The following NUP153 variants were observed in gnomAD, a reference collection of about 807,000 sequenced individuals.
The protein encoded by NUP153 is nucleoporin 153, also known as nuclear pore complex protein Nup153.
Under a neutral mutation model 134.6 loss-of-function variants are expected in NUP153, and 27 were observed. That is an observed-to-expected ratio of 0.20 (90% confidence interval 0.15 to 0.28). The LOEUF (loss-of-function observed/expected upper bound fraction) is 0.28. NUP153 is among the 10% of genes least tolerant of loss of function. The pLI is 1.00. For missense variants in NUP153, 1,821 were observed against 1,731.3 expected (o/e 1.05, Z -0.92); for synonymous variants, 640 against 623.5 (o/e 1.03, Z -0.40).
At chr6:17,652,911 C>G (rs539143699) in intron 11 of NUP153, among the ~76,000 whole-genome samples, 1 of 152,034 alleles carries the variant, frequency 6.6e-6, no homozygotes, top group Non-Finnish European at 1.5e-5. Flanking sequence ...CACCTGTAAT[C>G]CCAGCTACTA....
At chr6:17,679,978 G>A (rs545816142) in intron 2 of NUP153, among the ~76,000 whole-genome samples, 5 of 152,256 alleles carry the variant, frequency 3.3e-5, no homozygotes, top group African/African-American at 1.2e-4. Flanking sequence ...AACCAGATAT[G>A]CTGCCTTGCG....
intron 1 of NUP153, among the ~76,000 whole-genome samples, chr6:17,692,739 C>A (rs1220291164): frequency 1.3e-5 from 2 of 152,120 alleles, no homozygotes; most frequent in South Asian, 2.1e-4. Context: ...CAGCATCATC[C>A]CAGGTCCTTC....
intron 1 of NUP153, among the ~76,000 whole-genome samples, chr6:17,700,101 TAAG>T (rs1342613233): frequency 3.9e-5 from 6 of 152,014 alleles, no homozygotes; most frequent in South Asian, 2.1e-4. Flanking sequence ...AAACTTCTGA[TAAG>T]AAGCAGGAAA....
At position 17,661,666 on chromosome 6, in the gene NUP153, G is replaced by C. The variant is rs1767191178; in HGVS notation, c.1382C>G (p.Pro461Arg). The C allele has an allele frequency of 6.2e-7, 1 of 1,613,520 alleles. No homozygotes were observed. The highest frequency in any genetic ancestry group is 1.1e-5 in the South Asian group (1 of 91,052). The change falls in exon 11 of 22, where the codon CCT becomes CGT. Residue 461 changes from proline to arginine, a missense_variant. Transcript: ENST00000262077. The stretch of plus-strand genomic sequence containing the variant: ...ATACAACCCTACCTCCTCCTCCAGA[G>C]GTTTAGAAGCAACAAAGCGTGTTCT... ...RERTRFVASKPLEEEEMEVPV... is the reference protein window; with the variant it reads ...RERTRFVASKRLEEEEMEVPV...
chr6:17,685,718 T>G (rs888086483), intron 2 of NUP153, among the ~76,000 whole-genome samples: 3 of 152,160 alleles, frequency 2.0e-5, no homozygotes, highest in Non-Finnish European at 4.4e-5. Flanking sequence ...TTACCAGTCA[T>G]GTAAAACTAG....
intron 2 of NUP153, among the ~76,000 whole-genome samples, chr6:17,686,309 G>A (rs948233194): frequency 7.2e-5 from 11 of 152,088 alleles, no homozygotes; most frequent in African/African-American, 2.4e-4. Context: ...ACAAGATGTG[G>A]GGGTAGAAAG....
At chr6:17,671,935 G>C (rs923401929) in intron 5 of NUP153, among the ~76,000 whole-genome samples, 8 of 152,112 alleles carry the variant, frequency 5.3e-5, no homozygotes, top group Non-Finnish European at 4.4e-5. Flanking sequence ...GTGAACCTGG[G>C]AGGTGGAGGT....
rs1241422516 is a variant in NUP153, at chr6:17,625,682, G to T, written c.3901+126C>A. 24 of 721,882 alleles carry T rather than the reference G, an allele frequency of 3.3e-5. No homozygotes were observed. Among genetic ancestry groups the T allele is most frequent in the Non-Finnish European group, 5.3e-5 (22 of 412,574 alleles). 44.7% of individuals were successfully genotyped at this position (721,882 alleles called of 1,614,324 possible). On this transcript the variant is annotated intron_variant, in intron 19 of 21. Coordinates refer to ENST00000262077, the MANE Select transcript of NUP153 (RefSeq NM_005124.4). This position sits in a 1 kb window ranked among gnomAD's most constrained non-coding sequence, Gnocchi z 4.7. ...ACAGTGAATAATTAAAACAACCCTG[G>T]TATAGATGACCAAAAGGCATTCCCA...
At chr6:17,624,050 AAATC>A (rs1216462711) in intron 20 of NUP153, among the ~76,000 whole-genome samples, 3 of 152,186 alleles carry the variant, frequency 2.0e-5, no homozygotes, top group African/African-American at 7.2e-5. Context: ...AATTAGAAAA[AAATC>A]AACAACAATT....
chr6:17,675,117 C>T lies in NUP153; in HGVS notation c.724-84G>A. On this transcript the variant is annotated intron_variant, in intron 4 of 21. Coordinates refer to ENST00000262077, the MANE Select transcript of NUP153 (RefSeq NM_005124.4). This position sits in a 1 kb window ranked among gnomAD's most constrained non-coding sequence, Gnocchi z 4.4. ...AGTGAGTTAAGATCATGCTGCTACA[C>T]ACTCAAGCCTGGGCAACAGCAAAAG... is the stretch of plus-strand genomic sequence containing the variant. 3 of 1,539,124 alleles carry T rather than the reference C, an allele frequency of 1.9e-6. No individual in the cohort carries two copies. The highest frequency in any genetic ancestry group is 2.7e-6 in the Non-Finnish European group (3 of 1,129,248).
At chr6:17,654,931 A>C (rs1766724203) in intron 11 of NUP153, among the ~76,000 whole-genome samples, 1 of 152,190 alleles carries the variant, frequency 6.6e-6, no homozygotes. Flanking sequence ...CACAATATTT[A>C]TTCTTATTTC....
At chr6:17,648,026 T>G in intron 12 of NUP153, 121 bp from the exon 13 acceptor site, 2 of 654,700 alleles carry the variant, frequency 3.1e-6, no homozygotes, top group Non-Finnish European at 5.3e-6. Flanking sequence ...CCTTTTAAAT[T>G]TAAAAATCTC....
At chr6:17,697,588 G>A (rs1290191936) in intron 1 of NUP153, among the ~76,000 whole-genome samples, 1 of 152,150 alleles carries the variant, frequency 6.6e-6, no homozygotes, top group Admixed American at 6.5e-5. Flanking sequence ...TTGAGAGGCT[G>A]AGGGAGGGAG....
chr6:17,674,829 C>T, intron 5 of NUP153, 76 bp downstream of exon 5: 2 of 1,144,076 alleles, frequency 1.7e-6, no homozygotes, highest in Non-Finnish European at 2.4e-6. Flanking sequence ...TTTTTGAGCA[C>T]AAAGTAATTT....
rs540840386 is a variant in NUP153, at chr6:17,661,910, T to C, written c.1268+108A>G. The C allele has an allele frequency of 4.2e-4, 538 of 1,292,094 alleles. 1 individual carries two copies. The highest frequency in any genetic ancestry group is 5.5e-4 in the Non-Finnish European group (505 of 921,968). 80.0% of individuals were successfully genotyped at this position (1,292,094 alleles called of 1,614,324 possible). On this transcript the variant is annotated intron_variant, in intron 10 of 21. Coordinates refer to ENST00000262077, the MANE Select transcript of NUP153 (RefSeq NM_005124.4). ...TTCTAAAATCTTAGATTTCTTTATA[T>C]AAAGTTTCTGTTCTTTGATTTTAAT...
rs191178635 is a variant in NUP153 at position 17,654,424 on chromosome 6, C to T, written c.1396-5124G>A. ...GCAACCTCTGCCTTCTGGTTTCAAC[C>T]GATTCTCCTGCCTCAGCCTCCCAAG... On this transcript the variant is annotated intron_variant, in intron 11 of 21. Transcript: ENST00000262077. Among the ~76,000 whole-genome samples, 266 of 152,050 alleles carry T rather than the reference C, an allele frequency of 1.7e-3. 2 individuals carry two copies. The highest frequency in any genetic ancestry group is 0.017 in the East Asian group (86 of 5,180).
chr6:17,658,697 C>T (rs748477697), intron 11 of NUP153, among the ~76,000 whole-genome samples: 1 of 152,144 alleles, frequency 6.6e-6, no homozygotes, highest in Non-Finnish European at 1.5e-5. Context: ...GTCTCACAAG[C>T]TGAGTGAAAA....
chr6:17,683,528 G>A (rs148425175), intron 2 of NUP153, among the ~76,000 whole-genome samples: 46 of 152,290 alleles, frequency 3.0e-4, no homozygotes, highest in Non-Finnish European at 4.6e-4. Flanking sequence ...TTGTCCCCAA[G>A]CAAGAGGTCT....
intron 20 of NUP153, chr6:17,619,613 T>C (rs1561848928): frequency 6.6e-6 from 1 of 152,148 alleles, no homozygotes; most frequent in Non-Finnish European, 1.5e-5. Context: ...ACACCCAAAT[T>C]TGTGAAGTGT....
Sources: gnomAD v4.1 joint callset for allele counts (sites outside exome capture counted in the v4.1 genomes callset) on GRCh38, gnomAD v4.1.1 for gene constraint, Gnocchi (gnomAD v3.1) non-coding constraint, MANE v1.5 for transcripts, NCBI Gene and HGNC (gene_info 2026-07-23, HGNC 2026-07-21) for gene names.